Variants in PPM1E observed in about 807,000 individuals in gnomAD.
PPM1E encodes the protein protein phosphatase, Mg2+/Mn2+ dependent 1E.
In PPM1E, 20 loss-of-function variants were observed where a neutral mutation model predicts 65.9. The observed-to-expected ratio is 0.30, with a 90% CI of 0.21 to 0.44. The LOEUF (loss-of-function observed/expected upper bound fraction) is 0.44. Ranked by LOEUF, PPM1E falls within the 20% of genes least tolerant of loss-of-function variation. The pLI is 1.00. For synonymous variants in PPM1E, 352 were observed against 374.9 expected (o/e 0.94, Z 0.70); for missense variants, 713 against 953.1 (o/e 0.75, Z 3.32).
intron 1 of PPM1E, among the ~76,000 whole-genome samples, chr17:58,783,869 A>G (rs767618270): frequency 5.3e-5 from 8 of 151,688 alleles, no homozygotes; most frequent in Non-Finnish European, 1.2e-4. Context: ...CACCACGCCC[A>G]GCTACTTTTT....
Position 58,969,668 on chromosome 17 carries a change from G to T in PPM1E, c.913G>T (p.Ala305Ser). The T allele has an allele frequency of 6.2e-7, 1 of 1,614,162 alleles. No individual in the cohort carries two copies. The highest frequency in any genetic ancestry group is 8.5e-7 in the Non-Finnish European group (1 of 1,180,030). Residue 305 changes from alanine (A) to serine (S), a missense_variant, in exon 4 of 7, where the codon GCC (alanine) becomes TCC (serine). This residue lies in a region of PPM1E where 88 missense variants were observed against 231.1 expected (regional missense o/e 0.38). Coordinates refer to ENST00000308249, the MANE Select transcript of PPM1E (RefSeq NM_014906.5). ...GATGTTCCCCCATGATCCTGCTGAGGCCCTGTGCAGGGCCTTCCGGGTCAC... is the reference window on the plus strand; with the variant it reads ...GATGTTCCCCCATGATCCTGCTGAGTCCCTGTGCAGGGCCTTCCGGGTCAC... ...QEMFPHDPAE[A>S]LCRAFRVTDE...
chr17:58,921,761 C>T (rs1178499376), intron 1 of PPM1E, among the ~76,000 whole-genome samples: 4 of 150,428 alleles, frequency 2.7e-5, no homozygotes, highest in Non-Finnish European at 4.4e-5. Flanking sequence ...AAGAGTGTGG[C>T]CGGGCACGGT....
chr17:58,800,247 A>G (rs1171128255), intron 1 of PPM1E, among the ~76,000 whole-genome samples: 1 of 152,072 alleles, frequency 6.6e-6, no homozygotes, highest in Non-Finnish European at 1.5e-5. Context: ...TTAAACCAAC[A>G]TTGCATTTCT....
At chr17:58,800,405 TC>T (rs1212408086) in intron 1 of PPM1E, among the ~76,000 whole-genome samples, 1 of 152,190 alleles carries the variant, frequency 6.6e-6, no homozygotes, top group African/African-American at 2.4e-5. Context: ...TTCCTTTTTT[TC>T]TTTTTGTAAT....
intron 1 of PPM1E, among the ~76,000 whole-genome samples, chr17:58,910,690 T>C (rs983077626): frequency 5.3e-5 from 8 of 152,184 alleles, no homozygotes; most frequent in African/African-American, 9.6e-5. Flanking sequence ...GCTGTACTTA[T>C]GGACTGTGAG....
At chr17:58,820,781 T>C (rs934662411) in intron 1 of PPM1E, among the ~76,000 whole-genome samples, 5 of 152,176 alleles carry the variant, frequency 3.3e-5, no homozygotes, top group African/African-American at 1.2e-4. Flanking sequence ...AAAATAAATG[T>C]ATTTAAATTA....
At chr17:58,894,742 T>C (rs1336566464) in intron 1 of PPM1E, among the ~76,000 whole-genome samples, 2 of 152,152 alleles carry the variant, frequency 1.3e-5, no homozygotes, top group Non-Finnish European at 2.9e-5. Flanking sequence ...TTATAATTGT[T>C]TAATGTTTTT....
At position 58,981,001 on chromosome 17, in the gene PPM1E, A is replaced by C. The variant is rs781474648; in HGVS notation, c.2238A>C (p.Pro746=). The C allele has an allele frequency of 6.2e-7, 1 of 1,611,464 alleles. No homozygotes were observed. Among genetic ancestry groups the C allele is most frequent in the Non-Finnish European group, 8.5e-7 (1 of 1,179,220 alleles). The change falls in exon 7 of 7, where the codon CCA becomes CCC. Residue 746 remains proline (P), a synonymous_variant. Coordinates refer to ENST00000308249, the MANE Select transcript of PPM1E (RefSeq NM_014906.5). ...KLRKTHDIPC[P]DLPWSYKIE ...GAAAGACTCATGATATTCCATGCCCAGATCTTCCTTGGAGCTATAAAATAG... is the reference window on the plus strand; with the variant it reads ...GAAAGACTCATGATATTCCATGCCCCGATCTTCCTTGGAGCTATAAAATAG...
intron 1 of PPM1E, among the ~76,000 whole-genome samples, chr17:58,793,412 G>T (rs1228783808): frequency 6.6e-6 from 1 of 151,786 alleles, no homozygotes; most frequent in Non-Finnish European, 1.5e-5. Flanking sequence ...CTGGAGTGCA[G>T]TGGCGCGATC....
chr17:58,778,923 CATACATATATATATATATATATAT>C (rs1005762994), intron 1 of PPM1E, among the ~76,000 whole-genome samples: 9 of 61,778 alleles, frequency 1.5e-4, no homozygotes, highest in African/African-American at 5.4e-4. Flanking sequence ...TGAGATGATA[CATACATATATATATATATATATAT>C]ATATATATAT....
At chr17:58,966,965 C>T (rs1393956535) in intron 3 of PPM1E, among the ~76,000 whole-genome samples, 1 of 152,134 alleles carries the variant, frequency 6.6e-6, no homozygotes, top group Non-Finnish European at 1.5e-5. Flanking sequence ...GCAAATGTAA[C>T]CCAGAAGGAT....
At chr17:58,821,268 G>A (rs940475566) in intron 1 of PPM1E, among the ~76,000 whole-genome samples, 1 of 151,654 alleles carries the variant, frequency 6.6e-6, no homozygotes, top group African/African-American at 2.4e-5. Context: ...CCGCCAACAC[G>A]CCTGGCTAAT....
At chr17:58,947,386 A>G (rs1444845158) in intron 1 of PPM1E, among the ~76,000 whole-genome samples, 2 of 151,120 alleles carry the variant, frequency 1.3e-5, no homozygotes, top group Non-Finnish European at 3.0e-5. Context: ...ATAGGCGTGC[A>G]CCACCACACC....
chr17:58,763,423 G>A (rs915992323), intron 1 of PPM1E, among the ~76,000 whole-genome samples: 12 of 152,052 alleles, frequency 7.9e-5, no homozygotes, highest in Non-Finnish European at 1.6e-4. Context: ...GACACCACCT[G>A]GGACCTACAT....
intron 1 of PPM1E, among the ~76,000 whole-genome samples, chr17:58,881,866 AAAG>A (rs1202827663): frequency 5.9e-4 from 89 of 151,754 alleles, no homozygotes; most frequent in Non-Finnish European, 3.8e-4. Flanking sequence ...AAAGAAAAGA[AAAG>A]AAATACAGGC....
chr17:58,882,820 T>C (rs1008900019), intron 1 of PPM1E, among the ~76,000 whole-genome samples: 1 of 152,154 alleles, frequency 6.6e-6, no homozygotes, highest in Non-Finnish European at 1.5e-5. Flanking sequence ...CAGTTAAGGT[T>C]TTATGTCTGT....
chr17:58,974,593 A>T (rs1411989706), intron 6 of PPM1E, among the ~76,000 whole-genome samples: 3 of 152,138 alleles, frequency 2.0e-5, no homozygotes, highest in Non-Finnish European at 4.4e-5. Flanking sequence ...CTGTTTTTTT[A>T]AAAAAGAATA....
At chr17:58,932,102 CCTGT>C (rs1284121505) in intron 1 of PPM1E, among the ~76,000 whole-genome samples, 2 of 151,950 alleles carry the variant, frequency 1.3e-5, no homozygotes, top group Non-Finnish European at 2.9e-5. Context: ...AAAGCAAGAC[CCTGT>C]CTTTTTTCAG....
At chr17:58,945,425 G>T (rs1433996286) in intron 1 of PPM1E, among the ~76,000 whole-genome samples, 2 of 152,192 alleles carry the variant, frequency 1.3e-5, no homozygotes, top group Admixed American at 6.5e-5. Flanking sequence ...TTACAGGCGT[G>T]AGCCACCTTG....
Sources: allele counts gnomAD v4.1 joint callset (sites outside exome capture counted in the v4.1 genomes callset), GRCh38; gene constraint gnomAD v4.1.1; regional missense constraint gnomAD v4.1.1; transcripts MANE v1.5; gene names NCBI Gene and HGNC (gene_info 2026-07-23, HGNC 2026-07-21).